C4orf51: variants seen among roughly 807,000 people sequenced by gnomAD.
C4orf51 encodes the protein chromosome 4 open reading frame 51.
A neutral mutation model predicts 25.2 loss-of-function variants in C4orf51; 25 were observed. The observed-to-expected ratio is 0.99, with a 90% CI of 0.72 to 1.39. The LOEUF (loss-of-function observed/expected upper bound fraction) is 1.39, where lower values mean the gene tolerates loss of function less well. C4orf51 is among the 40% of genes most tolerant of loss of function. The probability of loss-of-function intolerance (pLI) is 0.00; values close to 1 mark genes in which losing one functional copy is unlikely to be tolerated. For synonymous variants in C4orf51, 100 were observed against 84.5 expected (o/e 1.18, Z -1.01); for missense variants, 252 against 239.6 (o/e 1.05, Z -0.34).
chr4:145,766,888 G>A (rs557936075), intron 1 of C4orf51, among the ~76,000 whole-genome samples: 51 of 152,312 alleles, frequency 3.3e-4, no homozygotes, highest in Middle Eastern at 6.8e-3. Flanking sequence ...ACTGCCTAGT[G>A]ATCTAGACCC....
At chr4:145,787,537 T>C in the C4orf51 span, among the ~76,000 whole-genome samples, 1 of 152,110 alleles carries the variant, frequency 6.6e-6, no homozygotes, top group South Asian at 2.1e-4. Context: ...TGGAGATTCT[T>C]TTTAGATGTA....
intron 1 of C4orf51, among the ~76,000 whole-genome samples, chr4:145,694,030 G>A (rs1729836268): frequency 7.2e-6 from 1 of 138,342 alleles, no homozygotes; most frequent in Non-Finnish European, 1.6e-5. Flanking sequence ...TCTCAGACGG[G>A]GCGGCCGGGC....
chr4:145,708,224 A>G (rs74627723), intron 2 of C4orf51, among the ~76,000 whole-genome samples: 3,348 of 152,286 alleles, frequency 0.022, 95 homozygotes, highest in African/African-American at 0.069. Flanking sequence ...GCTCTTAGTT[A>G]TGAAAGACTG....
chr4:145,699,492 G>C (rs963711192), intron 2 of C4orf51, among the ~76,000 whole-genome samples: 1 of 151,806 alleles, frequency 6.6e-6, no homozygotes, highest in African/African-American at 2.4e-5. Flanking sequence ...TTTCAATCTT[G>C]GCGCCACACT....
At chr4:145,776,074 G>C in the C4orf51 span, 8 of 1,222,010 alleles carry the variant, frequency 6.5e-6, no homozygotes, top group Middle Eastern at 1.9e-4. Flanking sequence ...TCATATTTCA[G>C]ATGGAGACAA....
At chr4:145,728,708 A>C (rs527242030) in intron 3 of C4orf51, among the ~76,000 whole-genome samples, 118 of 152,334 alleles carry the variant, frequency 7.7e-4, no homozygotes, top group African/African-American at 2.5e-3. Flanking sequence ...TTTACAAATA[A>C]ATTTTAGCAA....
At chr4:145,754,657 G>A (rs778555145), downstream of C4orf51, among the ~76,000 whole-genome samples, 7 of 152,206 alleles carry the variant, frequency 4.6e-5, no homozygotes, top group African/African-American at 9.6e-5. Context: ...ACTTTAAGCC[G>A]GGCGCAGTGG....
intron 2 of C4orf51, among the ~76,000 whole-genome samples, chr4:145,704,767 AAAGAATTTGACTG>A: frequency 6.6e-6 from 1 of 152,220 alleles, no homozygotes; most frequent in East Asian, 1.9e-4. Context: ...TCCTCAGAAG[AAAGAATTTGACTG>A]AAGGGCATAA....
chr4:145,775,209 C>A (rs1156923968), downstream of C4orf51, among the ~76,000 whole-genome samples: 3 of 152,168 alleles, frequency 2.0e-5, no homozygotes, highest in Admixed American at 6.5e-5. Flanking sequence ...ACATTTCCTG[C>A]AAAAGCAAGT....
At chr4:145,779,944 A>C in the C4orf51 span, among the ~76,000 whole-genome samples, 4 of 152,246 alleles carry the variant, frequency 2.6e-5, no homozygotes, top group South Asian at 8.3e-4. Flanking sequence ...TAATCCCAGC[A>C]CTTTGGGAGG....
chr4:145,735,827 A>T (rs1387270804), downstream of C4orf51, among the ~76,000 whole-genome samples: 2 of 152,220 alleles, frequency 1.3e-5, no homozygotes, highest in Non-Finnish European at 2.9e-5. Context: ...TGGAAAAATA[A>T]AGTCTTTTAA....
chr4:145,696,194 G>A (rs374321976), intron 1 of C4orf51, among the ~76,000 whole-genome samples: 29 of 152,228 alleles, frequency 1.9e-4, no homozygotes, highest in East Asian at 1.2e-3. Context: ...CCTGGAAAGC[G>A]GAGGTTGCAG....
At position 145,742,532 on chromosome 4, in the gene C4orf51, G is replaced by GTTTT. The variant is rs141147414; in HGVS notation, n.167+9935_167+9938dup. Reference sequence around the variant, plus strand: ...TACACGACAGCATTTTCTTTTTCTTGTTTTTTTTTTTTTTTTTTTTTTTTT... The same window carrying GTTTT: ...TACACGACAGCATTTTCTTTTTCTTGTTTTTTTTTTTTTTTTTTTTTTTTTTTTT... On this transcript the variant is annotated intron_variant and non_coding_transcript_variant, in intron 1 of 1. Coordinates refer to the C4orf51 transcript ENST00000508981. Among the ~76,000 whole-genome samples, 88 of 104,998 alleles carry GTTTT rather than the reference G, an allele frequency of 8.4e-4. 1 individual carries two copies. Among genetic ancestry groups the GTTTT allele is most frequent in the Non-Finnish European group, 9.8e-4 (52 of 52,944 alleles). 68.9% of individuals were successfully genotyped at this position (104,998 alleles called of 152,430 possible).
At chr4:145,754,831 G>C (rs1733855364), downstream of C4orf51, among the ~76,000 whole-genome samples, 1 of 152,152 alleles carries the variant, frequency 6.6e-6, no homozygotes, top group Non-Finnish European at 1.5e-5. Context: ...AGCTACTCGG[G>C]AGGCTGAGGC....
Position 145,765,911 on chromosome 4 carries a change from T to G in C4orf51, n.167-5077T>G, listed in dbSNP as rs753303391. Among the ~76,000 whole-genome samples, 4 of 152,160 alleles carry G rather than the reference T, an allele frequency of 2.6e-5. No homozygotes were observed. The highest frequency in any genetic ancestry group is 5.9e-5 in the Non-Finnish European group (4 of 68,016). On this transcript the variant is annotated intron_variant and non_coding_transcript_variant, in intron 1 of 1. Coordinates refer to the C4orf51 transcript ENST00000510096. The surrounding 1 kb of genome is among the most constrained non-coding windows in gnomAD (Gnocchi z 4.7). Reference sequence around the variant, plus strand: ...CCCAGGTCCTAAGGCACCTACCTCCTTTGTGGTACTGGGGGCCAAGAGCAG... The same window carrying G: ...CCCAGGTCCTAAGGCACCTACCTCCGTTGTGGTACTGGGGGCCAAGAGCAG...
chr4:145,782,292 G>C, the C4orf51 span, among the ~76,000 whole-genome samples: 2 of 152,152 alleles, frequency 1.3e-5, no homozygotes, highest in African/African-American at 4.8e-5. Flanking sequence ...AGAGGCAGTC[G>C]GGGGAGGAGT....
At chr4:145,779,382 A>G in the C4orf51 span, 12 of 1,614,078 alleles carry the variant, frequency 7.4e-6, no homozygotes, top group Non-Finnish European at 1.0e-5. Context: ...ACCTGTGTGC[A>G]GCGAGAGGTG....
intron 1 of C4orf51, among the ~76,000 whole-genome samples, chr4:145,690,459 G>GC (rs1729479122): frequency 6.6e-6 from 1 of 152,050 alleles, no homozygotes; most frequent in South Asian, 2.1e-4. Context: ...GAGCGAGATG[G>GC]CGCCACTGCA....
chr4:145,757,448 T>C (rs543874960), downstream of C4orf51, among the ~76,000 whole-genome samples: 7 of 152,188 alleles, frequency 4.6e-5, no homozygotes, highest in Non-Finnish European at 8.8e-5. Flanking sequence ...TAATAACAGT[T>C]TGCATTATAA....
Sources: gnomAD v4.1 joint callset for allele counts (sites outside exome capture counted in the v4.1 genomes callset) on GRCh38, gnomAD v4.1.1 for gene constraint, Gnocchi (gnomAD v3.1) non-coding constraint, MANE v1.5 for transcripts, NCBI Gene and HGNC (gene_info 2026-07-23, HGNC 2026-07-21) for gene names.